Variants in MILR1 observed in about 807,000 individuals in gnomAD.
MILR1 encodes the protein mast cell immunoglobulin like receptor 1.
In MILR1, 31 loss-of-function variants were observed where a neutral mutation model predicts 18.5. That is an observed-to-expected ratio of 1.68 (90% CI 1.26 to 2.26). MILR1 has a LOEUF of 2.26. Ranked by LOEUF, MILR1 falls within the 30% of genes most tolerant of loss-of-function variation. The pLI, the probability that MILR1 is intolerant of heterozygous loss-of-function variation, is 0.00. For synonymous variants in MILR1, 85 were observed against 56.2 expected (o/e 1.51, Z -2.30); for missense variants, 257 against 157.4 (o/e 1.63, Z -3.38).
the MILR1 span, among the ~76,000 whole-genome samples, chr17:64,474,781 A>G: frequency 6.6e-6 from 1 of 152,130 alleles, no homozygotes; most frequent in African/African-American, 2.4e-5. Flanking sequence ...CATTCCTAGT[A>G]TCCAAAGTAT....
chr17:64,497,131 G>C, the MILR1 span: 1 of 734,066 alleles, frequency 1.4e-6, no homozygotes, highest in Non-Finnish European at 2.4e-6. Context: ...CTGCGTTCCG[G>C]CCGCAGCCGT....
At chr17:64,464,422 T>G (rs1342739890) in intron 5 of MILR1, among the ~76,000 whole-genome samples, 1 of 151,946 alleles carries the variant, frequency 6.6e-6, no homozygotes, top group East Asian at 1.9e-4. Flanking sequence ...AAATTCTTTT[T>G]AGAGACAAGG....
the MILR1 span, chr17:64,492,795 G>A: frequency 1.3e-6 from 2 of 1,596,484 alleles, no homozygotes; most frequent in East Asian, 4.5e-5. Context: ...AACGTATCAG[G>A]AAGTTAGCTT....
the MILR1 span, among the ~76,000 whole-genome samples, chr17:64,480,683 C>A: frequency 6.6e-6 from 1 of 151,996 alleles, no homozygotes; most frequent in Non-Finnish European, 1.5e-5. Context: ...AAAACACAAA[C>A]AAAACCAAAA....
the MILR1 span, chr17:64,481,472 C>A: frequency 1.1e-6 from 1 of 899,796 alleles, no homozygotes; most frequent in East Asian, 1.2e-4. Context: ...AGCCATCCCC[C>A]ATGGCCTTTC....
chr17:64,453,040 CTTT>C (rs1215280197), intron 3 of MILR1, among the ~76,000 whole-genome samples, 174 bp downstream of exon 3: 1 of 149,636 alleles, frequency 6.7e-6, no homozygotes, highest in African/African-American at 2.5e-5. Context: ...CAGGAAGTAT[CTTT>C]TAATTTTTTA....
intron 4 of MILR1, among the ~76,000 whole-genome samples, chr17:64,458,191 T>G (rs2037345158): frequency 7.4e-6 from 1 of 135,908 alleles, no homozygotes; most frequent in Non-Finnish European, 1.7e-5. Flanking sequence ...CCTTCCTTCC[T>G]TCTTTCCTTC....
chr17:64,460,205 G>A (rs984023251), intron 4 of MILR1, among the ~76,000 whole-genome samples: 130 of 151,516 alleles, frequency 8.6e-4, no homozygotes, highest in African/African-American at 3.0e-3. Flanking sequence ...TTTATATTTT[G>A]GGTAGAGACA....
chr17:64,485,913 T>G, the MILR1 span: 5 of 1,604,552 alleles, frequency 3.1e-6, no homozygotes, highest in African/African-American at 4.0e-5. Flanking sequence ...ACAGAACTTT[T>G]TTTGTTTGTT....
chr17:64,467,030 CTT>C (rs1211540727), intron 8 of MILR1, among the ~76,000 whole-genome samples: 1 of 134,776 alleles, frequency 7.4e-6, no homozygotes, highest in Non-Finnish European at 1.5e-5. Context: ...CTTTCTCTTT[CTT>C]TCTTTCTTTC....
At chr17:64,469,840 A>G (rs2037661002), downstream of MILR1, among the ~76,000 whole-genome samples, 1 of 152,192 alleles carries the variant, frequency 6.6e-6, no homozygotes, top group South Asian at 2.1e-4. Context: ...TGCCACTCAC[A>G]TCAGGAACTG....
chr17:64,475,573 T>G, the MILR1 span, among the ~76,000 whole-genome samples: 1 of 149,630 alleles, frequency 6.7e-6, no homozygotes, highest in African/African-American at 2.5e-5. Context: ...CACTTGAACC[T>G]CGGAGGCGGA....
chr17:64,458,020 G>A (rs2144035042), intron 4 of MILR1, among the ~76,000 whole-genome samples: 1 of 152,252 alleles, frequency 6.6e-6, no homozygotes, highest in Admixed American at 6.5e-5. Flanking sequence ...AAAACTTTCT[G>A]CCCTGCCTTT....
the MILR1 span, among the ~76,000 whole-genome samples, chr17:64,494,795 TAA>T: frequency 6.6e-6 from 1 of 152,182 alleles, no homozygotes; most frequent in African/African-American, 2.4e-5. Flanking sequence ...TTTAGCACCA[TAA>T]AGTGTTTCAA....
downstream of MILR1, among the ~76,000 whole-genome samples, chr17:64,471,060 G>C (rs1555664497): frequency 6.6e-6 from 1 of 151,972 alleles, no homozygotes. Context: ...CCATCCCTAG[G>C]GGGTAATTTT....
downstream of MILR1, among the ~76,000 whole-genome samples, chr17:64,472,282 C>T (rs1365909074): frequency 2.0e-5 from 3 of 151,584 alleles, no homozygotes; most frequent in African/African-American, 7.3e-5. Context: ...GCCTGTCCAA[C>T]ACGGTGAAAC....
At chr17:64,453,646 C>T (rs919418221) in intron 3 of MILR1, among the ~76,000 whole-genome samples, 3 of 149,896 alleles carry the variant, frequency 2.0e-5, no homozygotes, top group Admixed American at 1.3e-4. Context: ...TCCGCTAGCA[C>T]TCTTCCTGCC....
chr17:64,481,101 G>C, the MILR1 span: 1 of 183,278 alleles, frequency 5.5e-6, no homozygotes, highest in African/African-American at 2.4e-5. Context: ...GTGTTTAGCA[G>C]CATTCCTGGC....
the MILR1 span, chr17:64,477,837 C>G: frequency 6.3e-7 from 1 of 1,594,802 alleles, no homozygotes; most frequent in Non-Finnish European, 8.5e-7. Flanking sequence ...ACATTCTTAG[C>G]TGATGATATA....
Sources: gnomAD v4.1 joint callset for allele counts (sites outside exome capture counted in the v4.1 genomes callset) on GRCh38, gnomAD v4.1.1 for gene constraint, MANE v1.5 for transcripts, NCBI Gene and HGNC (gene_info 2026-07-23, HGNC 2026-07-21) for gene names.